The following COBL variants were observed in gnomAD, a reference collection of about 807,000 sequenced individuals.
The protein encoded by COBL is protein cordon-bleu.
Under a neutral mutation model 98.8 loss-of-function variants are expected in COBL, and 51 were observed. The observed-to-expected ratio is 0.52, with a 90% CI of 0.41 to 0.65. The LOEUF (loss-of-function observed/expected upper bound fraction) is 0.65. COBL is among the 30% of genes least tolerant of loss of function. COBL has a pLI of 0.00. For missense variants in COBL, 1,617 were observed against 1,617.5 expected (o/e 1.00, Z 0.01); for synonymous variants, 634 against 651.7 (o/e 0.97, Z 0.41).
chr7:51,235,447 T>C (rs1329251475), intron 1 of COBL, among the ~76,000 whole-genome samples: 2 of 152,314 alleles, frequency 1.3e-5, no homozygotes, highest in East Asian at 1.9e-4. Flanking sequence ...TCTTGGGCCC[T>C]TCCTTTAGCC....
intron 1 of COBL, among the ~76,000 whole-genome samples, chr7:51,276,215 C>T (rs994961363): frequency 6.6e-6 from 1 of 152,224 alleles, no homozygotes; most frequent in Non-Finnish European, 1.5e-5. Flanking sequence ...CATTTTGAAG[C>T]TGTTCTCAGA....
chr7:51,312,248 T>G (rs1803129809), intron 1 of COBL, among the ~76,000 whole-genome samples: 1 of 152,052 alleles, frequency 6.6e-6, no homozygotes, highest in Non-Finnish European at 1.5e-5. Context: ...GGAGAATCGC[T>G]TGAACCGAGG....
chr7:51,202,948 G>A (rs1346158373), intron 2 of COBL, among the ~76,000 whole-genome samples: 2 of 152,138 alleles, frequency 1.3e-5, no homozygotes, highest in Non-Finnish European at 2.9e-5. Flanking sequence ...GGCTGAGGCA[G>A]GAGAATTGTT....
chr7:51,159,175 C>T (rs1224056832), intron 5 of COBL, among the ~76,000 whole-genome samples: 1 of 152,196 alleles, frequency 6.6e-6, no homozygotes, highest in Non-Finnish European at 1.5e-5. Context: ...CTGGATGCCG[C>T]GTGAAACCGC....
chr7:51,040,192 TAAA>T (rs34239803), intron 8 of COBL, among the ~76,000 whole-genome samples: 56 of 139,172 alleles, frequency 4.0e-4, no homozygotes, highest in African/African-American at 9.6e-4. Context: ...TAATTTCTGT[TAAA>T]AAAAAAAAAA....
At chr7:51,257,091 C>T (rs1291479489) in intron 1 of COBL, among the ~76,000 whole-genome samples, 1 of 152,138 alleles carries the variant, frequency 6.6e-6, no homozygotes, top group African/African-American at 2.4e-5. Context: ...TCTGAGCTTC[C>T]TAGCGGTCAT....
At chr7:51,316,555 G>A in intron 1 of COBL, 38 bp downstream of exon 1, 1 of 1,210,546 alleles carries the variant, frequency 8.3e-7, no homozygotes, top group Non-Finnish European at 1.0e-6. Flanking sequence ...GCCCAGGGAA[G>A]CCCCCTCTCC....
At chr7:51,217,340 C>CTTTT (rs937958755) in intron 2 of COBL, among the ~76,000 whole-genome samples, 9 of 127,726 alleles carry the variant, frequency 7.0e-5, no homozygotes, top group Non-Finnish European at 9.9e-5. Context: ...TTTTCTTTTT[C>CTTTT]TTTTTTTTTT....
intron 4 of COBL, among the ~76,000 whole-genome samples, chr7:51,189,491 G>A (rs1036015829): frequency 7.9e-5 from 12 of 152,020 alleles, no homozygotes; most frequent in East Asian, 3.9e-4. Context: ...AAAATTAGCC[G>A]GGCATGGTGG....
chr7:51,286,010 G>GGT (rs1485529456), intron 1 of COBL, among the ~76,000 whole-genome samples: 1 of 152,004 alleles, frequency 6.6e-6, no homozygotes, highest in Non-Finnish European at 1.5e-5. Flanking sequence ...TTCAACAAAT[G>GGT]GTATTATAAC....
At chr7:51,271,939 G>A (rs1370825650) in intron 1 of COBL, among the ~76,000 whole-genome samples, 1 of 152,218 alleles carries the variant, frequency 6.6e-6, no homozygotes, top group Non-Finnish European at 1.5e-5. Flanking sequence ...TGAGGCAGGA[G>A]AATCGCTTGA....
chr7:51,098,719 C>T (rs1487109584), intron 6 of COBL, among the ~76,000 whole-genome samples: 1 of 152,070 alleles, frequency 6.6e-6, no homozygotes, highest in Non-Finnish European at 1.5e-5. Flanking sequence ...TTAGATATGG[C>T]ACCAAAAGTA....
chr7:51,207,951 C>T (rs1417292575), intron 2 of COBL, among the ~76,000 whole-genome samples: 1 of 149,314 alleles, frequency 6.7e-6, no homozygotes, highest in Non-Finnish European at 1.5e-5. Flanking sequence ...TGAGGAGCGT[C>T]TCTGCCTGGC....
At chr7:51,170,525 AT>A (rs1562991281) in intron 5 of COBL, among the ~76,000 whole-genome samples, 27 of 147,022 alleles carry the variant, frequency 1.8e-4, no homozygotes, top group African/African-American at 6.7e-4. Context: ...ATATATATAT[AT>A]ATATAAATAT....
chr7:51,065,319 CT>C (rs1562864338), intron 7 of COBL: 2 of 703,516 alleles, frequency 2.8e-6, no homozygotes, highest in East Asian at 5.4e-5. Context: ...AACAGGAACA[CT>C]TGATTTCAGG....
At chr7:51,202,951 G>T (rs954056484) in intron 2 of COBL, among the ~76,000 whole-genome samples, 14 of 152,232 alleles carry the variant, frequency 9.2e-5, no homozygotes, top group African/African-American at 2.9e-4. Flanking sequence ...TGAGGCAGGA[G>T]AATTGTTTGA....
intron 2 of COBL, among the ~76,000 whole-genome samples, chr7:51,208,902 C>T (rs915618357): frequency 6.6e-6 from 1 of 151,978 alleles, no homozygotes; most frequent in Non-Finnish European, 1.5e-5. Context: ...CCCAGGGACA[C>T]AAACACTGCA....
chr7:51,146,536 T>C (rs2129016551), intron 5 of COBL, among the ~76,000 whole-genome samples: 1 of 152,248 alleles, frequency 6.6e-6, no homozygotes, highest in South Asian at 2.1e-4. Context: ...ACTCAGATTC[T>C]GTAGCGCTTC....
chr7:51,073,167 A>G, intron 7 of COBL: 1 of 404,088 alleles, frequency 2.5e-6, no homozygotes, highest in Non-Finnish European at 4.4e-6. Context: ...AAAAATATAA[A>G]CCTCAATCAA....
Sources: gnomAD v4.1 joint callset for allele counts (sites outside exome capture counted in the v4.1 genomes callset) on GRCh38, gnomAD v4.1.1 for gene constraint, MANE v1.5 for transcripts, NCBI Gene and HGNC (gene_info 2026-07-23, HGNC 2026-07-21) for gene names.